The following CADPS2 variants were observed in gnomAD, a reference collection of about 807,000 sequenced individuals.
CADPS2 encodes the protein calcium dependent secretion activator 2.
A neutral mutation model predicts 172.5 loss-of-function variants in CADPS2; 93 were observed. That is an observed-to-expected ratio of 0.54 (90% CI 0.46 to 0.64). The LOEUF (loss-of-function observed/expected upper bound fraction) is 0.64, where lower values mean the gene tolerates loss of function less well. CADPS2 is among the 30% of genes least tolerant of loss of function. CADPS2 has a pLI of 0.00. For synonymous variants in CADPS2, 546 were observed against 555.2 expected, an observed-to-expected ratio of 0.98 and a Z score of 0.23; for missense variants, 1,420 against 1,565.9, an observed-to-expected ratio of 0.91 and a Z score of 1.57.
Position 122,490,278 on chromosome 7 carries a change from A to G in CADPS2, c.1655T>C (p.Leu552Pro). 2 of 1,612,148 alleles carry G rather than the reference A, an allele frequency of 1.2e-6. No homozygotes were observed. The highest frequency in any genetic ancestry group is 1.7e-6 in the Non-Finnish European group (2 of 1,179,100). ...ATTAAAGAACATACAACCACCCTGAAGGCCTGTGGAGGAAACAAAAAGACA... is the reference window on the plus strand; with the variant it reads ...ATTAAAGAACATACAACCACCCTGAGGGCCTGTGGAGGAAACAAAAAGACA... ...TVDYTDPHPGLQGGCMFFNAV... is the reference protein window; with the variant it reads ...TVDYTDPHPGPQGGCMFFNAV... Residue 552 changes from leucine to proline, a missense_variant, in exon 11 of 30, where the codon CTT becomes CCT. Physicochemically the swap from Leu to Pro is moderately conservative, Grantham distance 98. Transcript: ENST00000449022.
intron 1 of CADPS2, among the ~76,000 whole-genome samples, chr7:122,866,657 T>G (rs1226183958): frequency 6.6e-6 from 1 of 152,182 alleles, no homozygotes; most frequent in Non-Finnish European, 1.5e-5. Flanking sequence ...GTTGAGATTG[T>G]GCCACTGCAC....
At chr7:122,885,511 C>CT (rs1824095813) in intron 1 of CADPS2, among the ~76,000 whole-genome samples, 1 of 152,108 alleles carries the variant, frequency 6.6e-6, no homozygotes, top group Admixed American at 6.5e-5. Context: ...AAAATTTCTA[C>CT]CCCTCTTAAG....
chr7:122,761,715 C>A (rs1310356224), intron 1 of CADPS2, among the ~76,000 whole-genome samples: 1 of 151,530 alleles, frequency 6.6e-6, no homozygotes, highest in African/African-American at 2.4e-5. Flanking sequence ...AAAATGTAGG[C>A]CAGGCATGGT....
intron 1 of CADPS2, among the ~76,000 whole-genome samples, chr7:122,772,190 A>G (rs1589112454): frequency 2.6e-5 from 4 of 152,226 alleles, no homozygotes; most frequent in African/African-American, 9.6e-5. Context: ...CTATAAAAAC[A>G]TCCACATTTG....
chr7:122,322,860 A>G (rs1436960894), intron 29 of CADPS2, among the ~76,000 whole-genome samples: 1 of 152,192 alleles, frequency 6.6e-6, no homozygotes, highest in African/African-American at 2.4e-5. Context: ...GGCATAGAAG[A>G]ATGGCAATCC....
rs1308685641 is a variant in CADPS2, at chr7:122,393,556, T to C, written c.2773A>G (p.Lys925Glu). Reference sequence around the variant, plus strand: ...GGTACAAAGATTTCTTGCAAGTGTTTGTGAAATTTTCCATTACACAAAAGT... The same window carrying C: ...GGTACAAAGATTTCTTGCAAGTGTTCGTGAAATTTTCCATTACACAAAAGT... ...DTLLCNGKFH[K>E]HLQEIFVPLV... Residue 925 changes from lysine to glutamate, a missense_variant, in exon 21 of 30, where the codon AAA (lysine) becomes GAA (glutamate). Physicochemically the swap from Lys to Glu is moderately conservative, Grantham distance 56. Transcript: ENST00000449022. The C allele has an allele frequency of 1.2e-6, 2 of 1,613,834 alleles. No homozygotes were observed. Among genetic ancestry groups the C allele is most frequent in the South Asian group, 2.2e-5 (2 of 91,072 alleles).
intron 25 of CADPS2, among the ~76,000 whole-genome samples, chr7:122,362,759 C>T (rs547257483): frequency 2.6e-5 from 4 of 152,228 alleles, no homozygotes; most frequent in Admixed American, 2.6e-4. Flanking sequence ...GATAATAGTT[C>T]TAGGGACACA....
At chr7:122,568,784 T>C (rs1457199458) in intron 7 of CADPS2, among the ~76,000 whole-genome samples, 1 of 152,136 alleles carries the variant, frequency 6.6e-6, no homozygotes, top group African/African-American at 2.4e-5. Flanking sequence ...GGTGAAGATT[T>C]CTTAGATACA....
intron 25 of CADPS2, among the ~76,000 whole-genome samples, chr7:122,368,708 T>G (rs1014477453): frequency 6.6e-6 from 1 of 152,182 alleles, no homozygotes; most frequent in Admixed American, 6.5e-5. Flanking sequence ...ACTATAAAAA[T>G]GTTTGAAAAG....
At chr7:122,624,494 A>AT (rs1384603142) in intron 4 of CADPS2, among the ~76,000 whole-genome samples, 3 of 152,150 alleles carry the variant, frequency 2.0e-5, no homozygotes, top group Non-Finnish European at 2.9e-5. Flanking sequence ...GCTGCTTCCC[A>AT]TGCCCCACAT....
chr7:122,352,363 TTAAAGTTTAGA>T (rs67047809), intron 27 of CADPS2, among the ~76,000 whole-genome samples: 2,542 of 152,334 alleles, frequency 0.017, 78 homozygotes, highest in African/African-American at 0.058. Context: ...TTTTTAGCTT[TTAAAGTTTAGA>T]TGGACTGGGA....
chr7:122,707,422 G>T (rs1306560094), intron 2 of CADPS2, among the ~76,000 whole-genome samples: 2 of 151,876 alleles, frequency 1.3e-5, no homozygotes, highest in African/African-American at 2.4e-5. Context: ...ATCTCTATGG[G>T]TAAGAGTGCT....
chr7:122,707,038 T>C (rs578147955), intron 2 of CADPS2, among the ~76,000 whole-genome samples: 1 of 151,814 alleles, frequency 6.6e-6, no homozygotes, highest in South Asian at 2.1e-4. Context: ...GGGTGAAGAT[T>C]TGAATGCTGT....
intron 14 of CADPS2, among the ~76,000 whole-genome samples, chr7:122,468,953 G>A (rs116325363): frequency 0.018 from 2,687 of 152,096 alleles, 73 homozygotes; most frequent in African/African-American, 0.062. Flanking sequence ...TTCAAATTTC[G>A]ATTCTAAAAG....
Position 122,388,781 on chromosome 7 carries a change from A to C in CADPS2, c.3009-43T>G, listed in dbSNP as rs754614164. ...AATGAACATCATGAACTCCCCGTTA[A>C]TTAGGTATACCATTAATACATTGTT... On this transcript the variant is annotated intron_variant, in intron 22 of 29. Transcript: ENST00000449022. 3.2e-6 allele frequency: 5 copies of C among 1,550,256 alleles called. No homozygotes were observed. In the South Asian group the frequency reaches 4.8e-5, roughly 15 times the overall value.
intron 1 of CADPS2, among the ~76,000 whole-genome samples, chr7:122,838,854 C>A (rs527885643): frequency 7.8e-4 from 118 of 152,234 alleles, no homozygotes; most frequent in African/African-American, 2.7e-3. Flanking sequence ...TCATACTGCC[C>A]AAGGTAATTT....
At chr7:122,343,288 C>CA (rs1327423600) in intron 28 of CADPS2, among the ~76,000 whole-genome samples, 1 of 152,122 alleles carries the variant, frequency 6.6e-6, no homozygotes, top group Non-Finnish European at 1.5e-5. Context: ...ATTCAAAATA[C>CA]AAAACCTTCA....
intron 4 of CADPS2, among the ~76,000 whole-genome samples, chr7:122,627,570 T>C (rs910437903): frequency 2.0e-5 from 3 of 152,216 alleles, no homozygotes; most frequent in African/African-American, 4.8e-5. Context: ...CCCAGGAGTT[T>C]ATGAACACAC....
chr7:122,369,337 T>G (rs1243986761), intron 25 of CADPS2, among the ~76,000 whole-genome samples: 1 of 151,982 alleles, frequency 6.6e-6, no homozygotes, highest in African/African-American at 2.4e-5. Context: ...TTCAGCGTGT[T>G]AGCCAGGATG....
Sources: allele counts gnomAD v4.1 joint callset (sites outside exome capture counted in the v4.1 genomes callset), GRCh38; gene constraint gnomAD v4.1.1; transcripts MANE v1.5; gene names NCBI Gene and HGNC (gene_info 2026-07-23, HGNC 2026-07-21).